Variants in KSR2 observed in about 807,000 individuals in gnomAD.
KSR2 encodes the protein kinase suppressor of ras 2.
KSR2 carries 25 observed loss-of-function variants against 107.8 expected under a neutral mutation model. That is an observed-to-expected ratio of 0.23 (90% CI 0.17 to 0.32). The LOEUF is 0.32. Among genes scored for constraint, KSR2 ranks in the 10% least tolerant of loss-of-function variants. The pLI is 1.00. For missense variants in KSR2, 887 were observed against 1,268.9 expected, an observed-to-expected ratio of 0.70 and a Z score of 4.57; for synonymous variants, 480 against 507.0, an observed-to-expected ratio of 0.95 and a Z score of 0.71.
intron 3 of KSR2, among the ~76,000 whole-genome samples, chr12:117,784,506 C>T (rs1311646172): frequency 6.6e-6 from 1 of 152,182 alleles, no homozygotes; most frequent in Non-Finnish European, 1.5e-5. Context: ...CAGGCTAATA[C>T]AGTCAGGTAA....
intron 5 of KSR2, among the ~76,000 whole-genome samples, chr12:117,634,912 A>T (rs970890476): frequency 6.6e-6 from 1 of 152,122 alleles, no homozygotes; most frequent in African/African-American, 2.4e-5. Context: ...GCCTAAGCCC[A>T]CCCAGCAGAG....
chr12:117,569,919 C>T (rs1381619619), intron 7 of KSR2, among the ~76,000 whole-genome samples: 2 of 152,088 alleles, frequency 1.3e-5, no homozygotes, highest in African/African-American at 4.8e-5. Context: ...GAATAATGCA[C>T]ACCATAGCCC....
At chr12:117,903,971 C>T (rs1894765450) in intron 1 of KSR2, among the ~76,000 whole-genome samples, 1 of 152,088 alleles carries the variant, frequency 6.6e-6, no homozygotes, top group South Asian at 2.1e-4. Flanking sequence ...TGTACTCCAG[C>T]CTGGGTGACA....
chr12:117,569,354 G>C (rs1878728774), intron 7 of KSR2, among the ~76,000 whole-genome samples: 1 of 152,124 alleles, frequency 6.6e-6, no homozygotes, highest in Admixed American at 6.5e-5. Flanking sequence ...GCTTATTTAA[G>C]TAAAAATTAT....
chr12:117,709,455 C>G (rs1886663737), intron 4 of KSR2, among the ~76,000 whole-genome samples: 1 of 152,134 alleles, frequency 6.6e-6, no homozygotes, highest in African/African-American at 2.4e-5. Flanking sequence ...TCCAGAGTAG[C>G]TGGGTCTATG....
At chr12:117,571,871 T>C (rs1057329575) in intron 7 of KSR2, among the ~76,000 whole-genome samples, 1 of 152,122 alleles carries the variant, frequency 6.6e-6, no homozygotes, top group Non-Finnish European at 1.5e-5. Context: ...CTCCTCCCCA[T>C]GGTCCTGTCC....
rs1301119933 is a variant in KSR2, at chr12:117,524,985, T to C, written c.2086A>G (p.Ile696Val). ...HGEVAIRLID[I>V]ERDNEDQLKA... ...AGCTGGTCCTCGTTGTCCCTCTCAA[T>C]GTCAATCAGCCGGATGGCCACCTCG... Residue 696 changes from isoleucine to valine, a missense_variant, in exon 14 of 20, where the codon ATT becomes GTT. Transcript: ENST00000339824. 2 of 1,613,872 alleles carry C rather than the reference T, an allele frequency of 1.2e-6. No homozygotes were observed. The highest frequency in any genetic ancestry group is 2.2e-5 in the South Asian group (2 of 91,064).
chr12:117,772,408 ACT>A (rs1480598895), intron 3 of KSR2, among the ~76,000 whole-genome samples: 15 of 144,532 alleles, frequency 1.0e-4, no homozygotes, highest in African/African-American at 2.3e-4. Flanking sequence ...ACAAACACAC[ACT>A]CATACACACA....
chr12:117,636,979 GA>G (rs1364836574), intron 5 of KSR2, among the ~76,000 whole-genome samples: 2 of 152,062 alleles, frequency 1.3e-5, no homozygotes, highest in Non-Finnish European at 2.9e-5. Flanking sequence ...AATTTAATAG[GA>G]AAAAATGGCA....
chr12:117,788,369 A>G lies in KSR2; in HGVS notation c.473-26845T>C, dbSNP rs75742255. Among the ~76,000 whole-genome samples the G allele has an allele frequency of 4.8e-4, 73 of 152,336 alleles. No homozygotes were observed. In the East Asian group the frequency reaches 0.011, roughly 24 times the overall value. On this transcript the variant is annotated intron_variant, in intron 3 of 19. Transcript: ENST00000339824. ...AGATCTGTGTTTTCCAAACTGTACCATGGGATATGAGTCCTGAAAGGAAAT... is the reference window on the plus strand; with the variant it reads ...AGATCTGTGTTTTCCAAACTGTACCGTGGGATATGAGTCCTGAAAGGAAAT...
At chr12:117,487,248 C>T (rs918088520) in intron 14 of KSR2, among the ~76,000 whole-genome samples, 15 of 152,216 alleles carry the variant, frequency 9.9e-5, no homozygotes, top group African/African-American at 3.4e-4. Flanking sequence ...TATATCTATA[C>T]ACATATCACA....
chr12:117,583,595 C>G (rs1879824480), intron 5 of KSR2, among the ~76,000 whole-genome samples: 1 of 152,152 alleles, frequency 6.6e-6, no homozygotes, highest in Admixed American at 6.5e-5. Flanking sequence ...CTTCTTTCAT[C>G]CCTTAGGCTA....
At chr12:117,930,831 T>C (rs1176616146) in intron 1 of KSR2, among the ~76,000 whole-genome samples, 2 of 152,038 alleles carry the variant, frequency 1.3e-5, no homozygotes, top group African/African-American at 2.4e-5. Context: ...GGAGAATCAC[T>C]TGAACCCAGG....
intron 4 of KSR2, among the ~76,000 whole-genome samples, chr12:117,712,739 G>C (rs1275648699): frequency 6.6e-6 from 1 of 152,014 alleles, no homozygotes; most frequent in Non-Finnish European, 1.5e-5. Context: ...TACAGGTTTG[G>C]GTCAGTCACA....
intron 3 of KSR2, among the ~76,000 whole-genome samples, chr12:117,796,039 A>G (rs1397148942): frequency 1.3e-5 from 2 of 152,050 alleles, no homozygotes; most frequent in African/African-American, 4.8e-5. Flanking sequence ...TGATCCTCCA[A>G]CCTCGGACTC....
At chr12:117,708,294 A>C (rs1886609119) in intron 4 of KSR2, among the ~76,000 whole-genome samples, 1 of 152,146 alleles carries the variant, frequency 6.6e-6, no homozygotes, top group South Asian at 2.1e-4. Context: ...GGTCCAGTGG[A>C]GTCCAGTGGT....
At position 117,669,571 on chromosome 12, in the gene KSR2, T is replaced by TAA. The variant is rs5801247; in HGVS notation, c.987-1915_987-1914dup. Among the ~76,000 whole-genome samples, 252 of 147,904 alleles carry TAA rather than the reference T, an allele frequency of 1.7e-3. 1 individual carries two copies. Among genetic ancestry groups the TAA allele is most frequent in the Non-Finnish European group, 1.3e-3 (88 of 66,910 alleles). ...GTTAAGTAAAATACATTGCTAAAATTAAAAAAAAAAAGAGGGCTGAGTGCA... is the reference window on the plus strand; with the variant it reads ...GTTAAGTAAAATACATTGCTAAAATTAAAAAAAAAAAAAGAGGGCTGAGTGCA... On this transcript the variant is annotated intron_variant, in intron 4 of 19. Transcript: ENST00000339824.
intron 1 of KSR2, among the ~76,000 whole-genome samples, chr12:117,912,157 A>G (rs932243912): frequency 2.6e-5 from 4 of 152,228 alleles, no homozygotes; most frequent in African/African-American, 9.6e-5. Context: ...GTTGTGATAA[A>G]CGAAAGTCCT....
At chr12:117,794,576 CACAT>C (rs1890543440) in intron 3 of KSR2, among the ~76,000 whole-genome samples, 1 of 148,966 alleles carries the variant, frequency 6.7e-6, no homozygotes, top group African/African-American at 2.5e-5. Flanking sequence ...CCAACATGCA[CACAT>C]ACATCAACAT....
Sources: gnomAD v4.1 joint callset for allele counts (sites outside exome capture counted in the v4.1 genomes callset) on GRCh38, gnomAD v4.1.1 for gene constraint, MANE v1.5 for transcripts, NCBI Gene and HGNC (gene_info 2026-07-23, HGNC 2026-07-21) for gene names.